Variants in PREX1 observed in about 807,000 individuals in gnomAD.
The protein encoded by PREX1 is phosphatidylinositol-3,4,5-trisphosphate dependent Rac exchange factor 1.
PREX1 carries 41 observed loss-of-function variants against 198.3 expected under a neutral mutation model. The ratio of observed to expected loss-of-function variants is 0.21; its 90% CI spans 0.16 to 0.27. The LOEUF (loss-of-function observed/expected upper bound fraction) is 0.27. PREX1 is among the 10% of genes least tolerant of loss of function. PREX1 has a pLI of 1.00. For missense variants in PREX1, 1,620 were observed against 2,200.7 expected (o/e 0.74, Z 5.28); for synonymous variants, 843 against 887.2 (o/e 0.95, Z 0.89).
At position 48,700,662 on chromosome 20, in the gene PREX1, A is replaced by G. The variant is rs371121884; in HGVS notation, c.917+91T>C. On this transcript the variant is annotated intron_variant, in intron 7 of 39. Transcript: ENST00000371941. ...AGAACAAACCCCTCAACTCACAGGA[A>G]AGGGAGGCCCAGAGAGGGAAGTGAC... is the stretch of plus-strand genomic sequence containing the variant. The G allele has an allele frequency of 5.3e-6, 8 of 1,520,798 alleles. No homozygotes were observed. In the South Asian group the frequency reaches 8.0e-5, roughly 15 times the overall value. 94.2% of individuals were successfully genotyped at this position (1,520,798 alleles called of 1,614,324 possible). A position where few individuals can be genotyped will look rare whatever the true frequency, so the allele number is the denominator to read the frequency against.
intron 4 of PREX1, among the ~76,000 whole-genome samples, chr20:48,731,328 T>G (rs1055845769): frequency 1.4e-4 from 21 of 152,176 alleles, no homozygotes; most frequent in Non-Finnish European, 2.4e-4. Context: ...CCATCCTAAC[T>G]TCCTCAAAAC....
chr20:48,644,387 A>C (rs201734370), intron 27 of PREX1, 22 bp downstream of exon 27: 77 of 1,594,884 alleles, frequency 4.8e-5, no homozygotes, highest in Admixed American at 1.3e-4. Context: ...CCCTGAGCAC[A>C]GGCCGCTGCC....
intron 2 of PREX1, among the ~76,000 whole-genome samples, chr20:48,746,993 CA>C (rs1568848678): frequency 5.6e-4 from 72 of 128,300 alleles, no homozygotes; most frequent in East Asian, 5.1e-3. Context: ...CACACACACA[CA>C]CACACACACA....
intron 1 of PREX1, among the ~76,000 whole-genome samples, chr20:48,825,184 C>G (rs771835309): frequency 6.6e-6 from 1 of 152,140 alleles, no homozygotes; most frequent in South Asian, 2.1e-4. Context: ...CCATTCCTGA[C>G]GGGCCAAGAT....
intron 1 of PREX1, among the ~76,000 whole-genome samples, chr20:48,819,934 C>G (rs1033137248): frequency 5.9e-5 from 9 of 152,346 alleles, no homozygotes; most frequent in Admixed American, 3.9e-4. Context: ...TGCACAGAAG[C>G]CACCCACCCT....
At chr20:48,831,641 C>T (rs2090537412), upstream of PREX1, among the ~76,000 whole-genome samples, 1 of 152,188 alleles carries the variant, frequency 6.6e-6, no homozygotes, top group Admixed American at 6.5e-5. Flanking sequence ...AGATAAGGTC[C>T]CTGGCTTCCT....
At chr20:48,726,229 A>G (rs2122699822) in intron 5 of PREX1, 61 bp downstream of exon 5, 1 of 1,438,340 alleles carries the variant, frequency 7.0e-7, no homozygotes, top group South Asian at 1.2e-5. Context: ...TGAACTAACA[A>G]ATTTTATGTT....
chr20:48,865,441 C>T, the PREX1 span, among the ~76,000 whole-genome samples: 2 of 152,122 alleles, frequency 1.3e-5, no homozygotes, highest in South Asian at 2.1e-4. Context: ...CAAAGGAAGA[C>T]GGGTCTCCAT....
chr20:48,754,960 A>G (rs1362012709), intron 1 of PREX1, among the ~76,000 whole-genome samples: 1 of 152,142 alleles, frequency 6.6e-6, no homozygotes, highest in Non-Finnish European at 1.5e-5. Flanking sequence ...CAAATGCCCA[A>G]ATCCTATGCT....
At chr20:48,783,307 G>A (rs1348592260) in intron 1 of PREX1, among the ~76,000 whole-genome samples, 3 of 152,116 alleles carry the variant, frequency 2.0e-5, no homozygotes, top group Non-Finnish European at 4.4e-5. Context: ...CAGAAACAGA[G>A]GATGGAGAGT....
intron 32 of PREX1, among the ~76,000 whole-genome samples, chr20:48,635,591 G>A (rs1357262409): frequency 3.3e-5 from 5 of 152,138 alleles, no homozygotes; most frequent in Non-Finnish European, 7.4e-5. Context: ...TCCTCACACT[G>A]TCTGCCTGGC....
At chr20:48,768,476 C>T (rs543238703) in intron 1 of PREX1, among the ~76,000 whole-genome samples, 1 of 152,134 alleles carries the variant, frequency 6.6e-6, no homozygotes, top group South Asian at 2.1e-4. Flanking sequence ...CTGGCAAGAC[C>T]CTTCTTTGAT....
intron 1 of PREX1, among the ~76,000 whole-genome samples, chr20:48,748,477 CTTTT>C: frequency 6.8e-6 from 1 of 146,818 alleles, no homozygotes; most frequent in East Asian, 2.0e-4. Flanking sequence ...ACATCTATTC[CTTTT>C]TTTTTTTAAC....
chr20:48,795,327 C>T (rs762577655), intron 1 of PREX1, among the ~76,000 whole-genome samples: 3 of 152,192 alleles, frequency 2.0e-5, no homozygotes, highest in Admixed American at 6.5e-5. Context: ...ACCTTGCCCA[C>T]ATACAGAGAG....
chr20:48,664,826 C>T (rs1455130129), intron 15 of PREX1, among the ~76,000 whole-genome samples: 9 of 143,358 alleles, frequency 6.3e-5, no homozygotes, highest in Non-Finnish European at 1.2e-4. Flanking sequence ...CGGCTCCAGA[C>T]GGCCTGAATT....
intron 3 of PREX1, among the ~76,000 whole-genome samples, chr20:48,736,838 G>C (rs775515146): frequency 2.0e-5 from 3 of 152,178 alleles, no homozygotes; most frequent in Non-Finnish European, 4.4e-5. Flanking sequence ...AAGCCACCAT[G>C]ACCACTCTCA....
chr20:48,771,678 G>A (rs73118694), intron 1 of PREX1, among the ~76,000 whole-genome samples: 2,060 of 152,184 alleles, frequency 0.014, 21 homozygotes, highest in Non-Finnish European at 0.02. Flanking sequence ...CTTATCAGCC[G>A]TGCAGCCCCA....
At chr20:48,637,461 T>C (rs58075688) in intron 31 of PREX1, among the ~76,000 whole-genome samples, 4,675 of 152,248 alleles carry the variant, frequency 0.031, 122 homozygotes, top group African/African-American at 0.065. Flanking sequence ...CCTAACATCG[T>C]CCTCTATCCC....
At chr20:48,786,849 GAGAGAA>G (rs2090315074) in intron 1 of PREX1, among the ~76,000 whole-genome samples, 1 of 151,784 alleles carries the variant, frequency 6.6e-6, no homozygotes, top group Admixed American at 6.6e-5. Flanking sequence ...GAAAAAGAGA[GAGAGAA>G]AGAGAAAGAG....
Sources: gnomAD v4.1 joint callset for allele counts (sites outside exome capture counted in the v4.1 genomes callset) on GRCh38, gnomAD v4.1.1 for gene constraint, MANE v1.5 for transcripts, NCBI Gene and HGNC (gene_info 2026-07-23, HGNC 2026-07-21) for gene names.